Variants in ROBO2 observed in about 807,000 individuals in gnomAD.
The protein encoded by ROBO2 is roundabout homolog 2.
Under a neutral mutation model 160.8 loss-of-function variants are expected in ROBO2, and 53 were observed. The ratio of observed to expected loss-of-function variants is 0.33; its 90% CI spans 0.26 to 0.41. ROBO2 has a LOEUF of 0.41. Among genes scored for constraint, ROBO2 ranks in the 10% least tolerant of loss-of-function variants. The pLI, the probability that ROBO2 is intolerant of heterozygous loss-of-function variation, is 1.00. For missense variants in ROBO2, 1,577 were observed against 1,722.4 expected (o/e 0.92, Z 1.49); for synonymous variants, 664 against 611.7 (o/e 1.09, Z -1.26).
intron 2 of ROBO2, among the ~76,000 whole-genome samples, chr3:77,341,985 T>A (rs2067112784): frequency 2.0e-5 from 3 of 152,156 alleles, no homozygotes; most frequent in African/African-American, 7.2e-5. Flanking sequence ...GAGAGAGCAA[T>A]GTAGAAATTG....
chr3:77,554,150 TCTG>T (rs1463624585), intron 8 of ROBO2, among the ~76,000 whole-genome samples: 1 of 151,950 alleles, frequency 6.6e-6, no homozygotes, highest in Non-Finnish European at 1.5e-5. Flanking sequence ...CCAAATCTAC[TCTG>T]CCTGTGCTCT....
At chr3:77,471,243 T>TA (rs958358163) in intron 2 of ROBO2, among the ~76,000 whole-genome samples, 5 of 151,666 alleles carry the variant, frequency 3.3e-5, no homozygotes, top group Non-Finnish European at 7.4e-5. Flanking sequence ...AGACTGAGGT[T>TA]AAAAAAAAAT....
At chr3:77,241,114 A>T (rs2088971867) in intron 2 of ROBO2, among the ~76,000 whole-genome samples, 1 of 152,238 alleles carries the variant, frequency 6.6e-6, no homozygotes, top group Admixed American at 6.5e-5. Flanking sequence ...GTTTTATTTT[A>T]TACAGAAATC....
chr3:76,742,564 G>A (rs1394636093), intron 2 of ROBO2, among the ~76,000 whole-genome samples: 1 of 151,944 alleles, frequency 6.6e-6, no homozygotes, highest in Non-Finnish European at 1.5e-5. Context: ...CCCAAATGAA[G>A]ATTTTTTTTA....
chr3:76,880,174 C>A (rs1364222174), intron 2 of ROBO2, among the ~76,000 whole-genome samples: 5 of 151,886 alleles, frequency 3.3e-5, no homozygotes, highest in Non-Finnish European at 7.4e-5. Flanking sequence ...TCCCTTTTTC[C>A]CGGTTTATCA....
At chr3:77,205,523 G>C (rs1270510283) in intron 2 of ROBO2, among the ~76,000 whole-genome samples, 2 of 151,970 alleles carry the variant, frequency 1.3e-5, no homozygotes, top group Non-Finnish European at 2.9e-5. Context: ...GGGGGGACAT[G>C]GCAGGCCAAA....
At chr3:76,094,089 G>T (rs566485711) in intron 2 of ROBO2, among the ~76,000 whole-genome samples, 15 of 152,204 alleles carry the variant, frequency 9.9e-5, no homozygotes, top group African/African-American at 3.4e-4. Context: ...AAGAATAGGG[G>T]AATGTGCTGG....
intron 2 of ROBO2, among the ~76,000 whole-genome samples, chr3:77,027,836 A>G (rs1227322675): frequency 6.6e-6 from 1 of 152,178 alleles, no homozygotes; most frequent in Non-Finnish European, 1.5e-5. Context: ...AAAGTTCTGT[A>G]GTGTGAACTA....
chr3:76,774,676 T>C lies in ROBO2; in HGVS notation c.110-323338T>C, dbSNP rs2062124279. On this transcript the variant is annotated intron_variant, in intron 2 of 26. Transcript: ENST00000487694. ...AGAGACAGATAGGAAGCACCCTCTA[T>C]ATAGTTTATAGGGCTGTAATTATTT... Among the ~76,000 whole-genome samples, 3 of 150,890 alleles carry C rather than the reference T, an allele frequency of 2.0e-5. No individual in the cohort carries two copies. The South Asian group carries it at 6.2e-4, about 31-fold the overall frequency.
intron 2 of ROBO2, among the ~76,000 whole-genome samples, chr3:77,170,307 A>G (rs928998687): frequency 2.0e-5 from 3 of 152,178 alleles, no homozygotes; most frequent in Non-Finnish European, 4.4e-5. Flanking sequence ...ATATAATACA[A>G]AATGCATTTT....
chr3:77,193,384 G>A (rs755249016), intron 2 of ROBO2, among the ~76,000 whole-genome samples: 4 of 151,656 alleles, frequency 2.6e-5, no homozygotes, highest in Non-Finnish European at 4.4e-5. Context: ...GGGCTCAAGC[G>A]ATCCTCCTAC....
At chr3:76,312,681 CTTAGGAT>C (rs2071679477) in intron 2 of ROBO2, among the ~76,000 whole-genome samples, 1 of 152,190 alleles carries the variant, frequency 6.6e-6, no homozygotes, top group Admixed American at 6.5e-5. Flanking sequence ...CCTTTAGTAG[CTTAGGAT>C]TTAGCGATGT....
intron 2 of ROBO2, among the ~76,000 whole-genome samples, chr3:77,362,689 C>T (rs7649041): frequency 0.46 from 70,080 of 151,906 alleles, 17,430 homozygotes; most frequent in African/African-American, 0.66. Context: ...AGTCTGTTCT[C>T]ACACTGCTAA....
At chr3:76,296,281 G>A (rs1469928703) in intron 2 of ROBO2, among the ~76,000 whole-genome samples, 1 of 152,214 alleles carries the variant, frequency 6.6e-6, no homozygotes. Context: ...GCCCCTGCAG[G>A]CACCTGGATT....
At chr3:76,972,442 G>A (rs1422688271) in intron 2 of ROBO2, among the ~76,000 whole-genome samples, 4 of 151,924 alleles carry the variant, frequency 2.6e-5, no homozygotes, top group Non-Finnish European at 4.4e-5. Flanking sequence ...AGAGAAAGGC[G>A]TTGATTATAT....
At chr3:77,046,695 C>G (rs1205736876) in intron 1 of ROBO2, among the ~76,000 whole-genome samples, 1 of 152,284 alleles carries the variant, frequency 6.6e-6, no homozygotes, top group East Asian at 1.9e-4. Context: ...ATTCTTAGCC[C>G]TGGAACTCCT....
intron 2 of ROBO2, among the ~76,000 whole-genome samples, chr3:76,940,803 AATT>A (rs1337119740): frequency 6.6e-6 from 1 of 152,220 alleles, no homozygotes; most frequent in African/African-American, 2.4e-5. Context: ...AAGTATGTAC[AATT>A]ATTGTGTGCC....
At chr3:77,452,708 G>C (rs965960049) in intron 2 of ROBO2, among the ~76,000 whole-genome samples, 8 of 152,082 alleles carry the variant, frequency 5.3e-5, no homozygotes, top group African/African-American at 1.4e-4. Context: ...CAAGTGACAA[G>C]ATTAGCATTA....
intron 2 of ROBO2, among the ~76,000 whole-genome samples, chr3:76,327,939 T>C (rs2073155937): frequency 6.6e-6 from 1 of 151,198 alleles, no homozygotes. Context: ...CATGTGGAAA[T>C]AGGAAAAGAG....
Sources: gnomAD v4.1 joint callset for allele counts (sites outside exome capture counted in the v4.1 genomes callset) on GRCh38, gnomAD v4.1.1 for gene constraint, MANE v1.5 for transcripts, NCBI Gene and HGNC (gene_info 2026-07-23, HGNC 2026-07-21) for gene names.